The following KALRN variants were observed in gnomAD, a reference collection of about 807,000 sequenced individuals.
The protein encoded by KALRN is kalirin RhoGEF kinase.
KALRN carries 70 observed loss-of-function variants against 353.7 expected under a neutral mutation model. That is an observed-to-expected ratio of 0.20 (90% CI 0.16 to 0.24). The LOEUF is 0.24. Ranked by LOEUF, KALRN falls within the 10% of genes least tolerant of loss-of-function variation. KALRN has a pLI of 1.00. For synonymous variants in KALRN, 1,391 were observed against 1,434.8 expected (o/e 0.97, Z 0.69); for missense variants, 2,791 against 3,756.7 (o/e 0.74, Z 6.72).
intron 33 of KALRN, among the ~76,000 whole-genome samples, chr3:124,524,355 C>T (rs1409667867): frequency 1.3e-5 from 2 of 152,244 alleles, no homozygotes; most frequent in East Asian, 1.9e-4. Context: ...AGGTATGTAT[C>T]GGCAGCCCAA....
chr3:124,235,266 T>G (rs2079615403), intron 3 of KALRN, among the ~76,000 whole-genome samples: 2 of 152,228 alleles, frequency 1.3e-5, no homozygotes. Flanking sequence ...GAGTGAAAAT[T>G]GGTTCTTGGG....
intron 15 of KALRN, among the ~76,000 whole-genome samples, chr3:124,426,730 C>T (rs897276308): frequency 4.6e-5 from 7 of 152,138 alleles, no homozygotes; most frequent in African/African-American, 1.7e-4. Context: ...GATCCCTGAA[C>T]CACTCAATGC....
At chr3:124,491,508 C>T (rs1329113769) in intron 31 of KALRN, 84 bp downstream of exon 31, 7 of 963,390 alleles carry the variant, frequency 7.3e-6, no homozygotes, top group East Asian at 2.8e-5. Flanking sequence ...AAAGCTAAGG[C>T]CCAGAGACTC....
At chr3:124,038,370 G>A (rs986560153) in intron 1 of KALRN, among the ~76,000 whole-genome samples, 2 of 152,144 alleles carry the variant, frequency 1.3e-5, no homozygotes, top group African/African-American at 4.8e-5. Flanking sequence ...AGGAAAAAGA[G>A]GTGTGTGCTT....
intron 51 of KALRN, among the ~76,000 whole-genome samples, chr3:124,683,459 C>T (rs2061429353): frequency 6.6e-6 from 1 of 152,206 alleles, no homozygotes; most frequent in Non-Finnish European, 1.5e-5. Flanking sequence ...GCATTGCCAC[C>T]TGCCTACATC....
intron 5 of KALRN, among the ~76,000 whole-genome samples, chr3:124,283,993 A>G (rs1416049033): frequency 6.6e-6 from 1 of 152,214 alleles, no homozygotes; most frequent in Non-Finnish European, 1.5e-5. Context: ...CTTTTCATAT[A>G]TTATCATATT....
rs901348418 is a variant in KALRN at position 124,455,084 on chromosome 3, T to C, written c.3553-93T>C. 7 of 1,390,464 alleles carry C rather than the reference T, an allele frequency of 5.0e-6. No homozygotes were observed. In the Admixed American group the frequency reaches 7.2e-5, roughly 14 times the overall value. 86.1% of individuals were successfully genotyped at this position (1,390,464 alleles called of 1,614,324 possible). A position where few individuals can be genotyped will look rare whatever the true frequency, so the allele number is the denominator to read the frequency against. On this transcript the variant is annotated intron_variant, in intron 21 of 59. Coordinates refer to ENST00000682506, the MANE Select transcript of KALRN (RefSeq NM_001388419.1). ...TACCCAGGTAGTCAGCTATGAGGTA[T>C]CTATGGCTGCTCTAAACAGGAAGAG...
At chr3:124,448,999 T>G (rs1485924462) in intron 21 of KALRN, among the ~76,000 whole-genome samples, 3 of 152,198 alleles carry the variant, frequency 2.0e-5, no homozygotes, top group African/African-American at 4.8e-5. Context: ...ATGTTCCAAA[T>G]CTCATGGTTA....
intron 27 of KALRN, among the ~76,000 whole-genome samples, chr3:124,479,881 G>A (rs1408991463): frequency 1.3e-5 from 2 of 151,916 alleles, no homozygotes; most frequent in Non-Finnish European, 2.9e-5. Flanking sequence ...CCACCACCAC[G>A]CCTGGCTAAT....
At chr3:124,499,017 G>A (rs1293917854) in intron 33 of KALRN, among the ~76,000 whole-genome samples, 1 of 152,142 alleles carries the variant, frequency 6.6e-6, no homozygotes, top group Admixed American at 6.6e-5. Flanking sequence ...AAACAAGGGT[G>A]CTGTGGGAGG....
intron 53 of KALRN, among the ~76,000 whole-genome samples, chr3:124,695,038 C>T (rs2061987582): frequency 6.6e-6 from 1 of 150,638 alleles, no homozygotes; most frequent in South Asian, 2.1e-4. Context: ...ATCCTCACAT[C>T]TGGACATCCT....
chr3:124,291,878 G>A (rs997918823), intron 5 of KALRN, among the ~76,000 whole-genome samples: 2 of 152,182 alleles, frequency 1.3e-5, no homozygotes, highest in African/African-American at 4.8e-5. Flanking sequence ...AAGGAAACAA[G>A]CAGAGCTTCA....
chr3:124,140,294 T>G (rs1399245625), intron 1 of KALRN, among the ~76,000 whole-genome samples: 1 of 152,218 alleles, frequency 6.6e-6, no homozygotes, highest in Non-Finnish European at 1.5e-5. Context: ...AAGTTATGCC[T>G]CACAGGAGAA....
intron 6 of KALRN, among the ~76,000 whole-genome samples, chr3:124,322,506 A>G (rs1452641864): frequency 2.0e-5 from 3 of 152,182 alleles, no homozygotes; most frequent in Non-Finnish European, 4.4e-5. Flanking sequence ...AGGCAGATGG[A>G]AGAGAGTGGA....
intron 15 of KALRN, among the ~76,000 whole-genome samples, chr3:124,425,926 A>G (rs1337068983): frequency 6.6e-6 from 1 of 152,180 alleles, no homozygotes; most frequent in African/African-American, 2.4e-5. Flanking sequence ...TGGGAAGACA[A>G]AAAAGGAATT....
intron 33 of KALRN, chr3:124,518,756 A>G (rs1425874099): frequency 9.7e-6 from 13 of 1,346,616 alleles, no homozygotes; most frequent in African/African-American, 2.9e-5. Context: ...CAATGGCCCA[A>G]TGTACTTCCC....
rs2085417828 is a variant in KALRN, at chr3:124,368,909, G to C, written c.1771-15936G>C. Among the ~76,000 whole-genome samples, 3 of 152,112 alleles carry C rather than the reference G, an allele frequency of 2.0e-5. No homozygotes were observed. The East Asian group carries it at 5.8e-4, about 29-fold the overall frequency. ...CCCCATCTCCACCAAAACCAGTCAG[G>C]CGTGGTGGCGCGTGCCTGCAATCGC... is the stretch of plus-strand genomic sequence containing the variant. On this transcript the variant is annotated intron_variant, in intron 10 of 59. Transcript: ENST00000682506.
intron 33 of KALRN, among the ~76,000 whole-genome samples, chr3:124,498,092 T>A (rs556780519): frequency 1.3e-5 from 2 of 152,298 alleles, no homozygotes; most frequent in East Asian, 3.9e-4. Context: ...AAGACAATTC[T>A]AGTAGTTAGT....
chr3:124,556,492 A>T (rs1271063444), intron 33 of KALRN, among the ~76,000 whole-genome samples: 1 of 152,160 alleles, frequency 6.6e-6, no homozygotes, highest in East Asian at 1.9e-4. Context: ...TCAGAGTTTT[A>T]TAGTAGGGCG....
Sources: gnomAD v4.1 joint callset for allele counts (sites outside exome capture counted in the v4.1 genomes callset) on GRCh38, gnomAD v4.1.1 for gene constraint, MANE v1.5 for transcripts, NCBI Gene and HGNC (gene_info 2026-07-23, HGNC 2026-07-21) for gene names.